The following ARL1 variants were observed in gnomAD, a reference collection of about 807,000 sequenced individuals.
ARL1 encodes the protein ARF like GTPase 1.
In ARL1, 17 loss-of-function variants were observed where a neutral mutation model predicts 30.1. The observed-to-expected ratio is 0.56, with a 90% CI of 0.39 to 0.85. ARL1 has a LOEUF of 0.85. ARL1 is among the 40% of genes least tolerant of loss of function. ARL1 has a pLI of 0.00. For missense variants in ARL1, 102 were observed against 212.6 expected (o/e 0.48, Z 3.24); for synonymous variants, 58 against 71.7 (o/e 0.81, Z 0.97).
rs1871061298 is a variant in ARL1 at position 101,393,347 on chromosome 12, A to G, written c.*2293T>C. On this transcript the variant is annotated 3_prime_UTR_variant, in exon 6 of 6. Transcript: ENST00000261636. ...TTTTAATGCAAGACACAACACAATC[A>G]TAGGCCAGAGTTATAAAATACAATG... is the stretch of plus-strand genomic sequence containing the variant. 1 of 152,100 alleles carries G rather than the reference A, an allele frequency of 6.6e-6. No individual in the cohort carries two copies. Among genetic ancestry groups the G allele is most frequent in the Non-Finnish European group, 1.5e-5 (1 of 68,030 alleles). The allele number at this position is 152,100 out of a possible 1,614,324, so 9.4% of individuals were successfully genotyped here.
intron 1 of ARL1, 163 bp downstream of exon 1, chr12:101,407,479 C>T (rs992969951): frequency 1.1e-6 from 1 of 884,230 alleles, no homozygotes; most frequent in Admixed American, 2.3e-5. Context: ...GCCGGATCCA[C>T]CCCTACAGAT....
intron 1 of ARL1, chr12:101,407,221 G>A (rs1291362103): frequency 5.1e-5 from 11 of 214,594 alleles, no homozygotes; most frequent in Non-Finnish European, 1.8e-5. Context: ...TAAAGAGAAT[G>A]ATTAAGCTTC....
chr12:101,405,978 C>T lies in ARL1; in HGVS notation c.8G>A (p.Gly3Asp). The T allele has an allele frequency of 6.4e-7, 1 of 1,555,514 alleles. No homozygotes were observed. ...ACTGGAAAATATACTTGAGAAAAAGCCACCTAAAAAATAATAAAAGAAAAA... is the reference window on the plus strand; with the variant it reads ...ACTGGAAAATATACTTGAGAAAAAGTCACCTAAAAAATAATAAAAGAAAAA... MG[G>D]FFSSIFSSLF... Residue 3 changes from glycine (G) to aspartate (D), a missense_variant, in exon 2 of 6, where the codon GGC (glycine) becomes GAC (aspartate). By Grantham distance (94) the Gly-to-Asp change is moderately conservative. Transcript: ENST00000261636.
At chr12:101,407,114 C>A (rs138745346) in intron 1 of ARL1, 109 of 154,622 alleles carry the variant, frequency 7.0e-4, no homozygotes, top group Non-Finnish European at 1.2e-3. Context: ...TGAAACGCTA[C>A]AGCAGATTAG....
In ARL1 at chr12:101,394,597, A is replaced by G. The variant is rs1247656499; in HGVS notation, c.*1043T>C. On this transcript the variant is annotated 3_prime_UTR_variant, in exon 6 of 6. Coordinates refer to ENST00000261636, the MANE Select transcript of ARL1 (RefSeq NM_001177.6). ...TAGATAAAAGGAATGAAAACCAGTA[A>G]AGACACCTTTTATAATCTGAAAATA... The G allele has an allele frequency of 6.6e-6, 1 of 152,220 alleles. No homozygotes were observed. The highest frequency in any genetic ancestry group is 1.5e-5 in the Non-Finnish European group (1 of 68,042). The allele number at this position is 152,220 out of a possible 1,614,324, so 9.4% of individuals were successfully genotyped here.
chr12:101,398,494 G>T (rs1310183621), intron 4 of ARL1, among the ~76,000 whole-genome samples: 2 of 151,806 alleles, frequency 1.3e-5, no homozygotes, highest in Non-Finnish European at 2.9e-5. Context: ...CCATCACTCA[G>T]GTTGGAGTGC....
intron 5 of ARL1, chr12:101,396,069 T>C (rs1871142517): frequency 3.5e-6 from 2 of 572,022 alleles, no homozygotes; most frequent in Non-Finnish European, 6.2e-6. Flanking sequence ...GATTAGGCAG[T>C]AGGAATAGAG....
intron 1 of ARL1, among the ~76,000 whole-genome samples, chr12:101,406,403 A>G (rs993278475): frequency 6.6e-6 from 1 of 152,196 alleles, no homozygotes; most frequent in Non-Finnish European, 1.5e-5. Flanking sequence ...ACTATAACCA[A>G]CTTCAATCAG....
At position 101,393,542 on chromosome 12, in the gene ARL1, G is replaced by A. The variant is rs1871067568; in HGVS notation, c.*2098C>T. 6.6e-6 allele frequency: 1 copy of A among 152,078 alleles called. No homozygotes were observed. The highest frequency in any genetic ancestry group is 2.4e-5 in the African/African-American group (1 of 41,398). 9.4% of individuals were successfully genotyped at this position (152,078 alleles called of 1,614,324 possible). On this transcript the variant is annotated 3_prime_UTR_variant, in exon 6 of 6. Coordinates refer to ENST00000261636, the MANE Select transcript of ARL1 (RefSeq NM_001177.6). ...GCCATGTATATATCAATATCCAAACGCTGGTAGTATACCTGTGCAGTTGTC... is the reference window on the plus strand; with the variant it reads ...GCCATGTATATATCAATATCCAAACACTGGTAGTATACCTGTGCAGTTGTC...
chr12:101,398,948 C>A (rs1240601634), intron 4 of ARL1, among the ~76,000 whole-genome samples: 1 of 152,102 alleles, frequency 6.6e-6, no homozygotes, highest in Non-Finnish European at 1.5e-5. Flanking sequence ...AGTCAATAAT[C>A]CATTCCTTTT....
At chr12:101,402,982 T>C (rs1174666590) in intron 2 of ARL1, 36 bp from the exon 3 acceptor site, 4 of 1,406,834 alleles carry the variant, frequency 2.8e-6, no homozygotes, top group Admixed American at 1.7e-5. Flanking sequence ...ATGTGTAGAC[T>C]AATACATTCC....
chr12:101,396,207 A>G (rs1871146738), intron 5 of ARL1, 192 bp downstream of exon 5: 1 of 699,206 alleles, frequency 1.4e-6, no homozygotes, highest in African/African-American at 1.8e-5. Context: ...AAGTAACTGT[A>G]ATCAGGTAGG....
chr12:101,401,205 G>C, intron 3 of ARL1, 32 bp from the exon 4 acceptor site: 1 of 1,467,676 alleles, frequency 6.8e-7, no homozygotes. Context: ...AGAACATATT[G>C]TTATTGTTTT....
Position 101,402,909 on chromosome 12 carries a change from GT to G in ARL1, c.179del (p.Asn60ThrfsTer9). On this transcript the variant is annotated frameshift_variant, in exon 3 of 6. Transcript: ENST00000261636. LOFTEE classifies it high-confidence loss of function. ...GFNVETVTYK[N>X]LKFQVWDLGG... ...CTAAATCCCAGACTTGGAATTTAAGGTTTTTGTACGTCACCGTCTCTACATT... is the reference window on the plus strand; with the variant it reads ...CTAAATCCCAGACTTGGAATTTAAGGTTTTGTACGTCACCGTCTCTACATT... The G allele has an allele frequency of 6.2e-7, 1 of 1,613,136 alleles. No individual in the cohort carries two copies. The highest frequency in any genetic ancestry group is 1.1e-5 in the South Asian group (1 of 90,976).
chr12:101,398,734 GGCCT>G, intron 4 of ARL1, among the ~76,000 whole-genome samples: 2 of 152,012 alleles, frequency 1.3e-5, no homozygotes, highest in African/African-American at 4.8e-5. Flanking sequence ...CACCACACCT[GGCCT>G]GTGTCTATAT....
Position 101,405,904 on chromosome 12 carries a change from C to T in ARL1, c.82G>A (p.Ala28Thr). ...MRILILGLDG[A>T]GKTTILYRLQ... ...CTGTACAAAATTGTGGTTTTTCCTG[C>T]TCCATCTAATCCCAAAATTAAAATT... Residue 28 changes from alanine to threonine, a missense_variant, in exon 2 of 6, where the codon GCA becomes ACA. Transcript: ENST00000261636. 1.3e-6 allele frequency: 2 copies of T among 1,567,024 alleles called. No homozygotes were observed. The highest frequency in any genetic ancestry group is 1.7e-6 in the Non-Finnish European group (2 of 1,154,134).
intron 4 of ARL1, among the ~76,000 whole-genome samples, chr12:101,399,738 T>G (rs1871252973): frequency 6.6e-6 from 1 of 152,038 alleles, no homozygotes; most frequent in Non-Finnish European, 1.5e-5. Flanking sequence ...TTTTTTCATT[T>G]TTTAAAAATG....
intron 3 of ARL1, 40 bp from the exon 4 acceptor site, chr12:101,401,213 T>G: frequency 7.0e-7 from 1 of 1,422,948 alleles, no homozygotes; most frequent in Non-Finnish European, 9.9e-7. Flanking sequence ...TTGTTATTGT[T>G]TTAAGGAAGA....
At chr12:101,406,535 T>C (rs1397444198) in intron 1 of ARL1, among the ~76,000 whole-genome samples, 3 of 152,152 alleles carry the variant, frequency 2.0e-5, no homozygotes, top group Admixed American at 6.6e-5. Context: ...CATCACAAAA[T>C]ATTCCCAGAA....
Sources: gnomAD v4.1 joint callset for allele counts (sites outside exome capture counted in the v4.1 genomes callset) on GRCh38, gnomAD v4.1.1 for gene constraint, MANE v1.5 for transcripts, NCBI Gene and HGNC (gene_info 2026-07-23, HGNC 2026-07-21) for gene names.